Variants in KMT2D observed in about 807,000 individuals in gnomAD.
KMT2D encodes the protein lysine methyltransferase 2D.
In KMT2D, 55 loss-of-function variants were observed where a neutral mutation model predicts 512.7. That is an observed-to-expected ratio of 0.11 (90% CI 0.09 to 0.13). KMT2D has a LOEUF of 0.13. Ranked by LOEUF, KMT2D falls within the 10% of genes least tolerant of loss-of-function variation. KMT2D has a pLI of 1.00. For synonymous variants in KMT2D, 2,995 were observed against 2,904.0 expected (o/e 1.03, Z -1.01); for missense variants, 6,061 against 7,127.9 (o/e 0.85, Z 5.39).
rs1031189844 is a variant in KMT2D at position 49,028,974 on chromosome 12, G to A, written c.14252-16C>T. On this transcript the variant is annotated splice_polypyrimidine_tract_variant and intron_variant, in intron 45 of 54. Transcript: ENST00000301067. ...TCTGGGAAGACTGAATGAGAAAGAG[G>A]AATTTGTGTAACACTTGGCCGCCTC... 7 of 1,613,362 alleles carry A rather than the reference G, an allele frequency of 4.3e-6. No individual in the cohort carries two copies. The highest frequency in any genetic ancestry group is 1.3e-5 in the African/African-American group (1 of 75,030).
Position 49,034,702 on chromosome 12 carries a change from C to T in KMT2D, c.10356-36G>A, listed in dbSNP as rs747318626. ...CCAAAGCACAGAAGATAAGTGTTGG[C>T]AATAAGAAAGTTGGAAAGCAAAGAG... On this transcript the variant is annotated intron_variant, in intron 36 of 54. Coordinates refer to ENST00000301067, the MANE Select transcript of KMT2D (RefSeq NM_003482.4). The T allele has an allele frequency of 1.9e-6, 3 of 1,606,350 alleles. No homozygotes were observed. In the South Asian group the frequency reaches 3.3e-5, roughly 18 times the overall value.
At position 49,059,968 on chromosome 12, in the gene KMT2D, C is replaced by G. The variant is rs1015941246; in HGVS notation, c.-393G>C. Among the ~76,000 whole-genome samples the G allele has an allele frequency of 6.6e-6, 1 of 151,596 alleles. No individual in the cohort carries two copies. Among genetic ancestry groups the G allele is most frequent in the Non-Finnish European group, 1.5e-5 (1 of 67,806 alleles). ...CAGTCCTAGGGCCCGGCCAGCGCCC[C>G]GGCCGCCCGCGCCGGGCTCGGGCGG... On this transcript the variant is annotated 5_prime_UTR_variant, in exon 1 of 55. Transcript: ENST00000301067.
rs1251402162 is a variant in KMT2D, at chr12:49,053,324, G to A, written c.840-3C>T. ...TCTTAGAGTCATTCCCAGGTTTCCTGCAGGTGCACATGGAACATTACAGTG... is the reference window on the plus strand; with the variant it reads ...TCTTAGAGTCATTCCCAGGTTTCCTACAGGTGCACATGGAACATTACAGTG... On this transcript the variant is annotated splice_polypyrimidine_tract_variant and splice_region_variant and intron_variant, in intron 7 of 54. Coordinates refer to ENST00000301067, the MANE Select transcript of KMT2D (RefSeq NM_003482.4). 4.3e-6 allele frequency: 7 copies of A among 1,611,832 alleles called. No individual in the cohort carries two copies. The highest frequency in any genetic ancestry group is 3.3e-5 in the South Asian group (3 of 91,046).
intron 42 of KMT2D, 42 bp from the exon 43 acceptor site, chr12:49,030,481 G>A (rs767626909): frequency 7.3e-7 from 1 of 1,370,532 alleles, no homozygotes; most frequent in Admixed American, 1.9e-5. Flanking sequence ...AGATGGCATA[G>A]GGAGACTGAT....
At chr12:49,053,131 T>C in intron 8 of KMT2D, 59 bp from the exon 9 acceptor site, 3 of 1,612,314 alleles carry the variant, frequency 1.9e-6, no homozygotes, top group South Asian at 1.1e-5. Context: ...TAAACGAAAG[T>C]ACACAACTTG....
At position 49,041,725 on chromosome 12, in the gene KMT2D, G is replaced by A; in HGVS notation, c.6184-20C>T. Reference sequence around the variant, plus strand: ...CTTTTGCTGAGGGATATGGGACACAGCCTTAGGGCCTAGTGCTTGGTCTCA... The same window carrying A: ...CTTTTGCTGAGGGATATGGGACACAACCTTAGGGCCTAGTGCTTGGTCTCA... On this transcript the variant is annotated intron_variant, in intron 30 of 54. Coordinates refer to ENST00000301067, the MANE Select transcript of KMT2D (RefSeq NM_003482.4). This position sits in a 1 kb window ranked among gnomAD's most constrained non-coding sequence, Gnocchi z 5.4. 6.2e-7 allele frequency: 1 copy of A among 1,604,310 alleles called. No individual in the cohort carries two copies. Among genetic ancestry groups the A allele is most frequent in the South Asian group, 1.1e-5 (1 of 89,840 alleles).
chr12:49,030,107 A>C (rs933798961), intron 43 of KMT2D, among the ~76,000 whole-genome samples, 173 bp downstream of exon 43: 3 of 152,130 alleles, frequency 2.0e-5, no homozygotes, highest in African/African-American at 7.2e-5. Context: ...CCAAATGTCC[A>C]TTCTGGCCCC....
At position 49,028,022 on chromosome 12, in the gene KMT2D, T is replaced by C. The variant is rs1318758008; in HGVS notation, c.14502A>G (p.Glu4834=). The part of the protein sequence containing the change: ...ARAGTEPKKG[E]AEGPGGKEKG... ...TGCCACACTCACCAGGACCCTCAGC[T>C]TCCCCCTTCTTTGGCTCAGTGCCTG... The change falls in exon 47 of 55, where the codon GAA becomes GAG. Residue 4834 remains glutamate (E), a synonymous_variant. Transcript: ENST00000301067. 6.2e-7 allele frequency: 1 copy of C among 1,613,408 alleles called. No homozygotes were observed. Among genetic ancestry groups the C allele is most frequent in the South Asian group, 1.1e-5 (1 of 90,920 alleles).
Position 49,042,216 on chromosome 12 carries a change from G to A in KMT2D, c.5982C>T (p.Asp1994=), listed in dbSNP as rs767771980. 4.6e-5 allele frequency: 74 copies of A among 1,602,136 alleles called. No homozygotes were observed. In the South Asian group the frequency reaches 6.6e-4, roughly 14 times the overall value. Residue 1994 remains aspartate, a synonymous_variant, in exon 29 of 55, where the codon GAC becomes GAT. Coordinates refer to ENST00000301067, the MANE Select transcript of KMT2D (RefSeq NM_003482.4). The surrounding 1 kb of genome is among the most constrained non-coding windows in gnomAD (Gnocchi z 4.4). ...PTTPTTEGEG[D]GLSYNQRSLQ... Reference sequence around the variant, plus strand: ...GACTCCGCTGGTTATAGGAGAGTCCGTCGCCCTCACCCTCCGTGGTGGGGG... The same window carrying A: ...GACTCCGCTGGTTATAGGAGAGTCCATCGCCCTCACCCTCCGTGGTGGGGG...
In KMT2D at chr12:49,050,095, G is replaced by A. The variant is rs2120645606; in HGVS notation, c.3493C>T (p.Pro1165Ser). Residue 1165 changes from proline (P) to serine (S), a missense_variant, in exon 12 of 55, where the codon CCT becomes TCT. By Grantham distance (74) the Pro-to-Ser change is moderately conservative. This residue lies in a region of KMT2D where 447 missense variants were observed against 500.1 expected (regional missense o/e 0.89). Coordinates refer to ENST00000301067, the MANE Select transcript of KMT2D (RefSeq NM_003482.4). ...LDPEELAPVT[P>S]MEVYPECKQT... The stretch of plus-strand genomic sequence containing the variant: ...TTGCATTCGGGGTAGACCTCCATAG[G>A]GGTCACAGGGGCCAGCTCCTCGGGG... The A allele has an allele frequency of 3.7e-6, 6 of 1,613,566 alleles. No homozygotes were observed. The highest frequency in any genetic ancestry group is 5.1e-6 in the Non-Finnish European group (6 of 1,179,782).
intron 49 of KMT2D, 107 bp from the exon 50 acceptor site, chr12:49,025,053 C>G: frequency 7.0e-6 from 9 of 1,280,614 alleles, no homozygotes; most frequent in Non-Finnish European, 9.7e-6. Flanking sequence ...TCAAGCCTCC[C>G]TATCATGAAG....
chr12:49,032,668 C>T lies in KMT2D; in HGVS notation c.12037G>A (p.Gly4013Arg), dbSNP rs2120433462. The change falls in exon 40 of 55, where the codon GGA becomes AGA. Residue 4013 changes from glycine to arginine, a missense_variant. By Grantham distance (125) the Gly-to-Arg change is moderately radical (BLOSUM62 -2). Around this residue, in one of 16 missense-constraint regions of KMT2D, gnomAD observed 1,600 missense variants for 1,754.9 expected, o/e 0.91. Coordinates refer to ENST00000301067, the MANE Select transcript of KMT2D (RefSeq NM_003482.4). ...AKPLQHFSSP[G>R]ALGPTLLLTG... ...AGGAGGAGGGTTGGACCCAGGGCTC[C>T]AGGGCTAGAAAAGTGTTGAAGAGGC... 3.1e-6 allele frequency: 5 copies of T among 1,613,882 alleles called. No homozygotes were observed. Among genetic ancestry groups the T allele is most frequent in the Non-Finnish European group, 4.2e-6 (5 of 1,179,856 alleles).
Position 49,044,048 on chromosome 12 carries a change from C to T in KMT2D, c.5189-50G>A, listed in dbSNP as rs1202888107. 6.2e-7 allele frequency: 1 copy of T among 1,609,238 alleles called. No homozygotes were observed. Among genetic ancestry groups the T allele is most frequent in the South Asian group, 1.1e-5 (1 of 90,880 alleles). Reference sequence around the variant, plus strand: ...ACTCGGGTTGAGAGCATGCTGCTCCCAACTTGCAGGGTGACACTTTGTGCC... The same window carrying T: ...ACTCGGGTTGAGAGCATGCTGCTCCTAACTTGCAGGGTGACACTTTGTGCC... On this transcript the variant is annotated intron_variant, in intron 22 of 54. Transcript: ENST00000301067. The surrounding 1 kb of genome is among the most constrained non-coding windows in gnomAD (Gnocchi z 6.4).
Position 49,044,772 on chromosome 12 carries a change from C to T in KMT2D, c.4935G>A (p.Leu1645=), listed in dbSNP as rs368977026. 5.0e-5 allele frequency: 81 copies of T among 1,613,938 alleles called. No individual in the cohort carries two copies. In the African/African-American group the frequency reaches 1.0e-3, roughly 21 times the overall value. The change falls in exon 20 of 55, where the codon CTG becomes CTA. Residue 1645 remains leucine, a synonymous_variant. Transcript: ENST00000301067. This position sits in a 1 kb window ranked among gnomAD's most constrained non-coding sequence, Gnocchi z 6.4. ...CACCCTTGAGCAGCTCATCGGTGTC[C>T]AGGTCCCCATCCTTCTTGTCATCAG... ...LGPDDKKDGD[L]DTDELLKGEG...
Position 49,055,334 on chromosome 12 carries a change from C to T in KMT2D, c.-10G>A, listed in dbSNP as rs1372234933. 4 of 1,613,750 alleles carry T rather than the reference C, an allele frequency of 2.5e-6. No individual in the cohort carries two copies. Among genetic ancestry groups the T allele is most frequent in the Non-Finnish European group, 3.4e-6 (4 of 1,179,654 alleles). The stretch of plus-strand genomic sequence containing the variant: ...GCTTCTGGCTGTCCATCCCTCTCTC[C>T]GACTGGGCAGGGCCCTCTCGGGGAG... On this transcript the variant is annotated 5_prime_UTR_variant, in exon 2 of 55. Coordinates refer to ENST00000301067, the MANE Select transcript of KMT2D (RefSeq NM_003482.4).
At position 49,053,622 on chromosome 12, in the gene KMT2D, C is replaced by T. The variant is rs1442209147; in HGVS notation, c.693G>A (p.Val231=). The T allele has an allele frequency of 3.6e-5, 58 of 1,595,820 alleles. No individual in the cohort carries two copies. Among genetic ancestry groups the T allele is most frequent in the Non-Finnish European group, 4.6e-5 (54 of 1,171,708 alleles). Residue 231 remains valine, a synonymous_variant, in exon 7 of 55, where the codon GTG becomes GTA. Coordinates refer to ENST00000301067, the MANE Select transcript of KMT2D (RefSeq NM_003482.4). ...AAYLEEARCA[V]CEGPGELCDL... ...CACACAACTCCCCTGGCCCCTCACA[C>T]ACTGCACAGCGAGCCTCCTCTGCAG... is the stretch of plus-strand genomic sequence containing the variant.
Position 49,026,252 on chromosome 12 carries a change from C to A in KMT2D, c.15714G>T (p.Arg5238=). The change falls in exon 49 of 55, where the codon CGG becomes CGT. Residue 5238 remains arginine (R), a synonymous_variant. Transcript: ENST00000301067. The surrounding 1 kb of genome is among the most constrained non-coding windows in gnomAD (Gnocchi z 9.6). The part of the protein sequence containing the change: ...YRCSIGENNG[R]PEFVIKVIEQ... ...CGATGACTTTGATTACAAACTCCGG[C>A]CGCCCGTTGTTCTCACCAATAGAAC... The A allele has an allele frequency of 1.9e-6, 3 of 1,604,292 alleles. No homozygotes were observed. Among genetic ancestry groups the A allele is most frequent in the Non-Finnish European group, 2.6e-6 (3 of 1,171,724 alleles).
rs1215914830 is a variant in KMT2D, at chr12:49,034,943, G to A, written c.10232-8C>T. The A allele has an allele frequency of 6.2e-7, 1 of 1,613,802 alleles. No individual in the cohort carries two copies. The highest frequency in any genetic ancestry group is 8.5e-7 in the Non-Finnish European group (1 of 1,179,736). On this transcript the variant is annotated splice_polypyrimidine_tract_variant and splice_region_variant and intron_variant, in intron 35 of 54. Transcript: ENST00000301067. ...CAGCAAATTTGTCCAGGTCTGGAGA[G>A]GGGAGAACCAAGTGAGCTGGGCTAT... is the stretch of plus-strand genomic sequence containing the variant.
chr12:49,049,732 C>G lies in KMT2D; in HGVS notation c.3856G>C (p.Gly1286Arg), dbSNP rs201671182. 4.4e-6 allele frequency: 7 copies of G among 1,605,606 alleles called. No individual in the cohort carries two copies. In the Admixed American group the frequency reaches 1.0e-4, roughly 23 times the overall value. The part of the protein sequence containing the change: ...GTAISGGKAE[G>R]EKGRRRSSPA... ...GAGCTGCGCCGCCGCCCCTTCTCCC[C>G]CTCAGCTTTGCCTCCGCTGATAGCT... The change falls in exon 12 of 55, where the codon GGG (glycine) becomes CGG (arginine). Residue 1286 changes from glycine (G) to arginine (R), a missense_variant. Coordinates refer to ENST00000301067, the MANE Select transcript of KMT2D (RefSeq NM_003482.4).
Sources: gnomAD v4.1 joint callset for allele counts (sites outside exome capture counted in the v4.1 genomes callset) on GRCh38, gnomAD v4.1.1 for gene constraint, gnomAD v4.1.1 regional missense constraint, Gnocchi (gnomAD v3.1) non-coding constraint, MANE v1.5 for transcripts, NCBI Gene and HGNC (gene_info 2026-07-23, HGNC 2026-07-21) for gene names.